RHBDD1: variants seen among roughly 807,000 people sequenced by gnomAD.
RHBDD1 encodes rhomboid domain containing 1.
In RHBDD1, 38 loss-of-function variants were observed where a neutral mutation model predicts 36.3. The ratio of observed to expected loss-of-function variants is 1.05; its 90% CI spans 0.81 to 1.37. RHBDD1 has a LOEUF of 1.37. RHBDD1 is among the 40% of genes most tolerant of loss of function. The pLI, the probability that RHBDD1 is intolerant of heterozygous loss-of-function variation, is 0.00. For missense variants in RHBDD1, 393 were observed against 377.6 expected (o/e 1.04, Z -0.34); for synonymous variants, 151 against 136.5 (o/e 1.11, Z -0.74).
At chr2:226,991,004 G>A (rs559874819) in intron 8 of RHBDD1, among the ~76,000 whole-genome samples, 2 of 152,138 alleles carry the variant, frequency 1.3e-5, no homozygotes, top group African/African-American at 4.8e-5. Flanking sequence ...TCACCCAGAG[G>A]CTCCTTCATG....
At chr2:226,956,051 T>C (rs950623928) in intron 8 of RHBDD1, among the ~76,000 whole-genome samples, 5 of 152,190 alleles carry the variant, frequency 3.3e-5, no homozygotes, top group African/African-American at 1.2e-4. Flanking sequence ...TTTCAGAGAT[T>C]TGGAAACCAA....
chr2:226,836,567 C>T lies in RHBDD1; in HGVS notation c.-392+480C>T, dbSNP rs141618530. Among the ~76,000 whole-genome samples, 211 of 152,314 alleles carry T rather than the reference C, an allele frequency of 1.4e-3. 1 individual carries two copies. Among genetic ancestry groups the T allele is most frequent in the African/African-American group, 4.9e-3 (204 of 41,566 alleles). On this transcript the variant is annotated intron_variant, in intron 1 of 8. Coordinates refer to ENST00000392062, the MANE Select transcript of RHBDD1 (RefSeq NM_001167608.3). Reference sequence around the variant, plus strand: ...AGGACAAAAAATCCGCCAAAGTAAACCCTTTCTGTCCAACCCCTAAAAACC... The same window carrying T: ...AGGACAAAAAATCCGCCAAAGTAAATCCTTTCTGTCCAACCCCTAAAAACC...
rs957469514 is a variant in RHBDD1 at position 226,995,675 on chromosome 2, G to GC, written c.*157dup. ...TCACATCACCTGGGACAGTCCCATG[G>GC]CCCCTATGAGTCAACTCACAGCTTG... is the stretch of plus-strand genomic sequence containing the variant. On this transcript the variant is annotated 3_prime_UTR_variant, in exon 9 of 9. Coordinates refer to ENST00000392062, the MANE Select transcript of RHBDD1 (RefSeq NM_001167608.3). The GC allele has an allele frequency of 1.6e-6, 1 of 627,354 alleles. No individual in the cohort carries two copies. The highest frequency in any genetic ancestry group is 2.9e-6 in the Non-Finnish European group (1 of 348,820). The allele number at this position is 627,354 out of a possible 1,614,324, so 38.9% of individuals were successfully genotyped here.
chr2:226,876,523 T>C (rs1353682029), intron 5 of RHBDD1, among the ~76,000 whole-genome samples: 1 of 152,220 alleles, frequency 6.6e-6, no homozygotes, highest in Non-Finnish European at 1.5e-5. Flanking sequence ...CTTCTACCAC[T>C]TAAGAGATGA....
intron 8 of RHBDD1, among the ~76,000 whole-genome samples, chr2:226,957,570 C>CA (rs72005765): frequency 5.9e-4 from 86 of 146,220 alleles, no homozygotes; most frequent in Admixed American, 1.4e-3. Context: ...CGCCCCCACC[C>CA]AAAAAAAAAA....
At chr2:226,968,652 C>A (rs1331787051) in intron 8 of RHBDD1, among the ~76,000 whole-genome samples, 1 of 152,206 alleles carries the variant, frequency 6.6e-6, no homozygotes, top group African/African-American at 2.4e-5. Context: ...TGTTTGCGCA[C>A]TCTCTCCGAA....
At chr2:226,983,391 T>G (rs1467373852) in intron 8 of RHBDD1, among the ~76,000 whole-genome samples, 1 of 152,166 alleles carries the variant, frequency 6.6e-6, no homozygotes, top group Non-Finnish European at 1.5e-5. Context: ...CTGGGGCCAG[T>G]TATGTGGTTC....
intron 8 of RHBDD1, among the ~76,000 whole-genome samples, chr2:226,921,653 CT>C (rs1187341479): frequency 6.6e-6 from 1 of 152,118 alleles, no homozygotes; most frequent in Non-Finnish European, 1.5e-5. Context: ...CAAAATTCCT[CT>C]TTTTAGTGAT....
chr2:226,934,230 G>T (rs897586633), intron 8 of RHBDD1, among the ~76,000 whole-genome samples: 1 of 152,022 alleles, frequency 6.6e-6, no homozygotes, highest in Non-Finnish European at 1.5e-5. Context: ...CTTGCTTATG[G>T]TATTCACCAC....
At chr2:226,921,781 T>C (rs1949331743) in intron 8 of RHBDD1, among the ~76,000 whole-genome samples, 1 of 152,204 alleles carries the variant, frequency 6.6e-6, no homozygotes, top group Admixed American at 6.5e-5. Flanking sequence ...GAATGATTCA[T>C]GTACTGAGGA....
rs13405372 is a variant in RHBDD1 at position 226,884,188 on chromosome 2, T to C, written c.566+16870T>C. On this transcript the variant is annotated intron_variant, in intron 5 of 8. Transcript: ENST00000392062. ...TAGAGAGTTCTTTTTATTTGCTAAT[T>C]TCCCTTTCCTCTTCTGCTTGTGCAG... Among the ~76,000 whole-genome samples, 952 of 152,246 alleles carry C rather than the reference T, an allele frequency of 6.3e-3. 7 individuals are homozygous for C. The highest frequency in any genetic ancestry group is 0.022 in the African/African-American group (916 of 41,556).
chr2:226,915,104 A>C (rs989675039), intron 8 of RHBDD1, among the ~76,000 whole-genome samples: 2 of 152,122 alleles, frequency 1.3e-5, no homozygotes, highest in African/African-American at 4.8e-5. Flanking sequence ...GCATATGCCT[A>C]CTAGATGTGA....
chr2:226,831,076 A>C (rs530599517), upstream of RHBDD1, among the ~76,000 whole-genome samples: 1 of 152,356 alleles, frequency 6.6e-6, no homozygotes, highest in African/African-American at 2.4e-5. Context: ...GTACATTCAC[A>C]AGGGATGCTG....
chr2:226,920,731 A>G (rs1046401018), intron 8 of RHBDD1, among the ~76,000 whole-genome samples: 1 of 152,176 alleles, frequency 6.6e-6, no homozygotes, highest in Non-Finnish European at 1.5e-5. Flanking sequence ...GATAAATCCC[A>G]AATGGTCATA....
chr2:226,873,342 C>A (rs561398367), intron 5 of RHBDD1, among the ~76,000 whole-genome samples: 54 of 152,310 alleles, frequency 3.5e-4, no homozygotes, highest in African/African-American at 1.2e-3. Flanking sequence ...GGGGCTACTC[C>A]AGTGACAACT....
At chr2:226,816,391 A>AG in the RHBDD1 span, among the ~76,000 whole-genome samples, 8 of 151,306 alleles carry the variant, frequency 5.3e-5, no homozygotes, top group East Asian at 7.7e-4. Context: ...AAAAAAAAAA[A>AG]AAAAAGAAAA....
At chr2:226,851,803 T>C (rs570053792) in intron 3 of RHBDD1, among the ~76,000 whole-genome samples, 1 of 152,302 alleles carries the variant, frequency 6.6e-6, no homozygotes, top group Non-Finnish European at 1.5e-5. Context: ...AAATCTGCAG[T>C]TCCCTTCCTC....
intron 5 of RHBDD1, among the ~76,000 whole-genome samples, chr2:226,889,274 G>T (rs1946488176): frequency 1.3e-5 from 2 of 152,204 alleles, no homozygotes; most frequent in African/African-American, 2.4e-5. Context: ...CAAGTAATGA[G>T]AGAGGTGTTC....
At chr2:226,941,512 G>A (rs1425589860) in intron 8 of RHBDD1, among the ~76,000 whole-genome samples, 2 of 152,168 alleles carry the variant, frequency 1.3e-5, no homozygotes, top group Non-Finnish European at 2.9e-5. Flanking sequence ...CGTGCAGTTC[G>A]GGTTTTGTTT....
Sources: allele counts gnomAD v4.1 joint callset (sites outside exome capture counted in the v4.1 genomes callset), GRCh38; gene constraint gnomAD v4.1.1; transcripts MANE v1.5; gene names NCBI Gene and HGNC (gene_info 2026-07-23, HGNC 2026-07-21).